Variants in C8A observed in about 807,000 individuals in gnomAD.
C8A encodes complement C8 alpha chain.
Under a neutral mutation model 65.3 loss-of-function variants are expected in C8A, and 67 were observed. That is an observed-to-expected ratio of 1.03 (90% CI 0.84 to 1.26). The LOEUF is 1.26. Ranked by LOEUF, C8A falls within the 50% of genes most tolerant of loss-of-function variation. C8A has a pLI of 0.00. For synonymous variants in C8A, 290 were observed against 259.4 expected, an observed-to-expected ratio of 1.12 and a Z score of -1.13; for missense variants, 781 against 723.9, an observed-to-expected ratio of 1.08 and a Z score of -0.90.
intron 2 of C8A, 78 bp from the exon 3 acceptor site, chr1:56,874,871 C>A (rs1644182521): frequency 6.5e-7 from 1 of 1,530,228 alleles, no homozygotes; most frequent in African/African-American, 1.4e-5. Flanking sequence ...TTATGTTGAG[C>A]CGAAACCAGG....
chr1:56,904,302 C>T (rs540982366), intron 7 of C8A, among the ~76,000 whole-genome samples: 1 of 152,154 alleles, frequency 6.6e-6, no homozygotes, highest in Admixed American at 6.5e-5. Flanking sequence ...CTCTTACAGC[C>T]TCTGATGAAA....
At position 56,875,702 on chromosome 1, in the gene C8A, G is replaced by A. The variant is rs553279237; in HGVS notation, c.317-360G>A. Among the ~76,000 whole-genome samples, 4 of 152,252 alleles carry A rather than the reference G, an allele frequency of 2.6e-5. No homozygotes were observed. The South Asian group carries it at 8.3e-4, about 32-fold the overall frequency. Reference sequence around the variant, plus strand: ...CATCAGGGCTTTTGGAAGAGAGGTAGGTGATGGGTAGGTAGGTGATGGGCA... The same window carrying A: ...CATCAGGGCTTTTGGAAGAGAGGTAAGTGATGGGTAGGTAGGTGATGGGCA... On this transcript the variant is annotated intron_variant, in intron 3 of 10. Coordinates refer to ENST00000361249, the MANE Select transcript of C8A (RefSeq NM_000562.3).
chr1:56,889,929 G>A (rs1194500948), intron 7 of C8A, among the ~76,000 whole-genome samples: 1 of 152,140 alleles, frequency 6.6e-6, no homozygotes, highest in African/African-American at 2.4e-5. Context: ...CAAGGGCTGT[G>A]ACTGACAGCT....
intron 3 of C8A, 139 bp downstream of exon 3, chr1:56,875,232 T>C (rs1339213208): frequency 3.2e-6 from 3 of 932,856 alleles, no homozygotes; most frequent in Non-Finnish European, 5.0e-6. Flanking sequence ...GGATGGGTCC[T>C]AGGAATCTGC....
chr1:56,896,598 T>C (rs1270381844), intron 7 of C8A, among the ~76,000 whole-genome samples: 1 of 152,186 alleles, frequency 6.6e-6, no homozygotes, highest in Admixed American at 6.5e-5. Flanking sequence ...GCAGTTTACT[T>C]TATTAAGTCT....
Position 56,908,112 on chromosome 1 carries a change from AG to A in C8A, c.1380+1del. ...TATAATCCTGTTGTTATCGATTTTG[AG>A]GTAAGTCTTTTCGCAGTTGAAGAAA... is the stretch of plus-strand genomic sequence containing the variant. ...LKYNPVVIDFEMQPIHEVLRH... is the reference protein window; with the variant it reads ...LKYNPVVIDFXMQPIHEVLRH... On this transcript the variant is annotated frameshift_variant and splice_region_variant, in exon 9 of 11. Coordinates refer to ENST00000361249, the MANE Select transcript of C8A (RefSeq NM_000562.3). LOFTEE classifies it high-confidence loss of function. The A allele has an allele frequency of 1.9e-6, 3 of 1,614,056 alleles. No individual in the cohort carries two copies. The highest frequency in any genetic ancestry group is 2.7e-5 in the African/African-American group (2 of 75,034).
At position 56,881,548 on chromosome 1, in the gene C8A, T is replaced by C. The variant is rs768653349; in HGVS notation, c.568T>C (p.Tyr190His). The C allele has an allele frequency of 8.1e-6, 13 of 1,613,698 alleles. No homozygotes were observed. The Admixed American group carries it at 1.2e-4, about 14-fold the overall frequency. Residue 190 changes from tyrosine to histidine, a missense_variant, in exon 5 of 11, where the codon TAT becomes CAT. Tyr to His is a moderately conservative substitution (Grantham distance 83). Coordinates refer to ENST00000361249, the MANE Select transcript of C8A (RefSeq NM_000562.3). The part of the protein sequence containing the change: ...VYNGEWRELR[Y>H]DSTCERLYYG... ...CAATGGGGAATGGAGGGAGCTTCGATATGACTCCACCTGTGAACGTCTCTA... is the reference window on the plus strand; with the variant it reads ...CAATGGGGAATGGAGGGAGCTTCGACATGACTCCACCTGTGAACGTCTCTA...
chr1:56,885,354 TTA>T (rs1644284561), intron 6 of C8A, among the ~76,000 whole-genome samples: 2 of 88,150 alleles, frequency 2.3e-5, no homozygotes, highest in South Asian at 6.9e-4. Flanking sequence ...AAATATATAT[TTA>T]TGTAAATATA....
chr1:56,914,726 G>T (rs865896428), intron 10 of C8A, among the ~76,000 whole-genome samples: 1 of 152,046 alleles, frequency 6.6e-6, no homozygotes, highest in Non-Finnish European at 1.5e-5. Context: ...GTGGAATGGC[G>T]TGATCTCAGC....
At chr1:56,885,226 A>G (rs888371012) in intron 6 of C8A, among the ~76,000 whole-genome samples, 19 of 149,976 alleles carry the variant, frequency 1.3e-4, no homozygotes, top group African/African-American at 4.4e-4. Context: ...GAAATATAGT[A>G]GTACTCCAAT....
chr1:56,878,243 AC>A (rs1644216836), intron 4 of C8A, among the ~76,000 whole-genome samples: 1 of 152,048 alleles, frequency 6.6e-6, no homozygotes, highest in African/African-American at 2.4e-5. Context: ...CCCATTAAGG[AC>A]TCCGTCTCCA....
chr1:56,876,281 G>T, intron 4 of C8A, 72 bp downstream of exon 4: 6 of 1,588,362 alleles, frequency 3.8e-6, no homozygotes, highest in Non-Finnish European at 5.2e-6. Flanking sequence ...TAGTTTTGAG[G>T]ACAGAAGGGG....
At chr1:56,871,606 A>T (rs184712425) in intron 2 of C8A, among the ~76,000 whole-genome samples, 6 of 152,338 alleles carry the variant, frequency 3.9e-5, no homozygotes, top group African/African-American at 9.6e-5. Context: ...CATATACAGT[A>T]GGTGGCAGAG....
chr1:56,891,345 G>A (rs1278677488), intron 7 of C8A, among the ~76,000 whole-genome samples: 1 of 152,134 alleles, frequency 6.6e-6, no homozygotes. Context: ...CAGAAACTGA[G>A]GTTGGAAGAA....
chr1:56,869,171 C>A (rs1644119303), intron 2 of C8A, among the ~76,000 whole-genome samples: 1 of 152,126 alleles, frequency 6.6e-6, no homozygotes, highest in Admixed American at 6.6e-5. Flanking sequence ...CCCTCACCCT[C>A]CCCACCCTTC....
intron 6 of C8A, among the ~76,000 whole-genome samples, 155 bp from the exon 7 acceptor site, chr1:56,885,772 G>C (rs139789526): frequency 6.6e-6 from 1 of 151,686 alleles, no homozygotes. Flanking sequence ...GGATGGTCTC[G>C]ATCTCCTGAC....
At chr1:56,913,136 G>A (rs910182018) in intron 10 of C8A, among the ~76,000 whole-genome samples, 3 of 152,050 alleles carry the variant, frequency 2.0e-5, no homozygotes, top group Non-Finnish European at 4.4e-5. Context: ...TCTTCGTGTG[G>A]CATTCTTCCC....
At chr1:56,867,917 G>T (rs749840074) in intron 2 of C8A, among the ~76,000 whole-genome samples, 3 of 152,112 alleles carry the variant, frequency 2.0e-5, no homozygotes, top group Admixed American at 6.5e-5. Context: ...TGCAAAAGAT[G>T]TATGTTATGG....
rs1178934454 is a variant in C8A, at chr1:56,854,854, A to G, written c.-48A>G. 2.0e-6 allele frequency: 3 copies of G among 1,525,980 alleles called. No individual in the cohort carries two copies. Among genetic ancestry groups the G allele is most frequent in the Non-Finnish European group, 1.8e-6 (2 of 1,104,904 alleles). 94.5% of individuals were successfully genotyped at this position (1,525,980 alleles called of 1,614,324 possible). ...TCTTTTACTCCAATTTCCTGAATAG[A>G]TAGCTTTATTCCTTCAAGGTAATAT... On this transcript the variant is annotated 5_prime_UTR_variant, in exon 1 of 11. Transcript: ENST00000361249.
Sources: allele counts gnomAD v4.1 joint callset (sites outside exome capture counted in the v4.1 genomes callset), GRCh38; gene constraint gnomAD v4.1.1; transcripts MANE v1.5; gene names NCBI Gene and HGNC (gene_info 2026-07-23, HGNC 2026-07-21).